Variants in TMCC1 observed in about 807,000 individuals in gnomAD.
TMCC1 encodes the protein transmembrane and coiled-coil domains protein 1.
A neutral mutation model predicts 52.4 loss-of-function variants in TMCC1; 15 were observed. That is an observed-to-expected ratio of 0.29 (90% confidence interval 0.19 to 0.44). The LOEUF is 0.44. Ranked by LOEUF, TMCC1 falls within the 20% of genes least tolerant of loss-of-function variation. The pLI is 1.00. For synonymous variants in TMCC1, 279 were observed against 301.9 expected (o/e 0.92, Z 0.79); for missense variants, 503 against 806.0 (o/e 0.62, Z 4.55).
At chr3:129,776,464 A>T (rs2055045690) in intron 4 of TMCC1, among the ~76,000 whole-genome samples, 1 of 152,194 alleles carries the variant, frequency 6.6e-6, no homozygotes, top group African/African-American at 2.4e-5. Context: ...TACCCATGGG[A>T]AGTATATAGA....
chr3:129,862,345 A>C (rs566090430), intron 2 of TMCC1, among the ~76,000 whole-genome samples: 1 of 152,200 alleles, frequency 6.6e-6, no homozygotes, highest in African/African-American at 2.4e-5. Context: ...AAGTACACTA[A>C]GAAAAATGAA....
Position 129,651,850 on chromosome 3 carries a change from G to T in TMCC1, c.1648-55C>A. 6.4e-7 allele frequency: 1 copy of T among 1,554,054 alleles called. No homozygotes were observed. The highest frequency in any genetic ancestry group is 8.7e-7 in the Non-Finnish European group (1 of 1,151,278). The stretch of plus-strand genomic sequence containing the variant: ...CTTCTGCTCACAAGTATTCTGAGAT[G>T]CTGACATGCCCCCTGGGCAAGCCAG... On this transcript the variant is annotated intron_variant, in intron 6 of 6. Transcript: ENST00000393238. The surrounding 1 kb of genome is among the most constrained non-coding windows in gnomAD (Gnocchi z 5.1).
intron 4 of TMCC1, among the ~76,000 whole-genome samples, chr3:129,792,030 G>A (rs1333551136): frequency 6.6e-6 from 1 of 152,004 alleles, no homozygotes; most frequent in African/African-American, 2.4e-5. Context: ...TTTAAAGATG[G>A]TCACATCAGT....
chr3:129,670,369 T>C lies in TMCC1; in HGVS notation c.1472A>G (p.Tyr491Cys). The C allele has an allele frequency of 1.2e-6, 2 of 1,614,208 alleles. No homozygotes were observed. The highest frequency in any genetic ancestry group is 1.1e-5 in the South Asian group (1 of 91,088). The change falls in exon 5 of 7, where the codon TAT (tyrosine) becomes TGT (cysteine). Residue 491 changes from tyrosine to cysteine, a missense_variant. Physicochemically the swap from Tyr to Cys is radical, Grantham distance 194. Transcript: ENST00000393238. ...ETLKEHYQRD[Y>C]SLIMQTLQEE... Reference sequence around the variant, plus strand: ...CTGTAAGGTCTGCATTATTAAGGAATAGTCCCTCTGATAATGTTCCTTGAG... The same window carrying C: ...CTGTAAGGTCTGCATTATTAAGGAACAGTCCCTCTGATAATGTTCCTTGAG...
chr3:129,776,946 C>A (rs1037126715), intron 4 of TMCC1, among the ~76,000 whole-genome samples: 19 of 152,086 alleles, frequency 1.2e-4, no homozygotes, highest in Admixed American at 1.0e-3. Flanking sequence ...GAGTATTCTT[C>A]ATTAAAAAGG....
intron 1 of TMCC1, among the ~76,000 whole-genome samples, chr3:129,886,971 G>C (rs2061737130): frequency 6.6e-6 from 1 of 151,876 alleles, no homozygotes; most frequent in South Asian, 2.1e-4. Context: ...AACCCCAAAA[G>C]GCCAGGTATT....
intron 3 of TMCC1, among the ~76,000 whole-genome samples, chr3:129,829,411 T>G (rs1266058256): frequency 1.9e-5 from 2 of 107,678 alleles, no homozygotes; most frequent in African/African-American, 7.6e-5. Flanking sequence ...AACTAAGAGA[T>G]GTAAAATCAA....
intron 4 of TMCC1, among the ~76,000 whole-genome samples, chr3:129,695,851 G>A (rs778484967): frequency 9.2e-5 from 14 of 152,254 alleles, no homozygotes; most frequent in Non-Finnish European, 2.1e-4. Flanking sequence ...TATCTAAGGA[G>A]TTTCAGGAGT....
intron 2 of TMCC1, among the ~76,000 whole-genome samples, chr3:129,872,108 A>G (rs1309298701): frequency 3.3e-5 from 5 of 152,258 alleles, no homozygotes; most frequent in Non-Finnish European, 7.3e-5. Context: ...GTATTCACGC[A>G]GCATTATTTG....
At chr3:129,735,392 C>T (rs1370342230) in intron 4 of TMCC1, among the ~76,000 whole-genome samples, 1 of 151,988 alleles carries the variant, frequency 6.6e-6, no homozygotes, top group Non-Finnish European at 1.5e-5. Flanking sequence ...CTCCTGTAAT[C>T]CCAGCACTTT....
intron 4 of TMCC1, among the ~76,000 whole-genome samples, chr3:129,707,001 A>G (rs553819970): frequency 1.3e-4 from 19 of 149,114 alleles, no homozygotes; most frequent in South Asian, 6.4e-4. Flanking sequence ...ACTGGAGGGG[A>G]AAAAAAAAAG....
chr3:129,821,656 AT>A (rs1327686742), intron 4 of TMCC1, among the ~76,000 whole-genome samples: 1 of 152,272 alleles, frequency 6.6e-6, no homozygotes, highest in East Asian at 1.9e-4. Flanking sequence ...ACTCTGCAAC[AT>A]TTTATGTGGT....
At chr3:129,700,593 C>T (rs1200377007) in intron 4 of TMCC1, among the ~76,000 whole-genome samples, 2 of 152,108 alleles carry the variant, frequency 1.3e-5, no homozygotes, top group African/African-American at 4.8e-5. Flanking sequence ...TCTCTTGCCT[C>T]ATCCTCCGGA....
chr3:129,679,354 G>T (rs766779201), intron 4 of TMCC1, among the ~76,000 whole-genome samples: 1 of 152,136 alleles, frequency 6.6e-6, no homozygotes, highest in Admixed American at 6.5e-5. Context: ...CATCCAGGCT[G>T]GAGTGCAGTG....
chr3:129,738,203 A>G (rs181061579), intron 4 of TMCC1, among the ~76,000 whole-genome samples: 65 of 148,178 alleles, frequency 4.4e-4, no homozygotes, highest in African/African-American at 1.6e-3. Flanking sequence ...CCTGGGAGGC[A>G]GAGGTTGCAG....
At chr3:129,761,726 C>T (rs1287235654) in intron 4 of TMCC1, among the ~76,000 whole-genome samples, 2 of 152,084 alleles carry the variant, frequency 1.3e-5, no homozygotes, top group Non-Finnish European at 2.9e-5. Flanking sequence ...TGCAGTGGCT[C>T]ACACCTGTAA....
Position 129,671,187 on chromosome 3 carries a change from T to G in TMCC1, c.654A>C (p.Thr218=). ...GGTCTGGTGTTCCATCCACAGAGTC[T>G]GTGTGGATGCTGCCATCGGTACTGG... ...VASSTDGSIH[T]DSVDGTPDPQ... is the part of the protein sequence containing the mutation. The change falls in exon 5 of 7, where the codon ACA becomes ACC. Residue 218 remains threonine (T), a synonymous_variant. Transcript: ENST00000393238. 6.2e-7 allele frequency: 1 copy of G among 1,614,172 alleles called. No individual in the cohort carries two copies. Among genetic ancestry groups the G allele is most frequent in the Non-Finnish European group, 8.5e-7 (1 of 1,180,028 alleles).
intron 4 of TMCC1, among the ~76,000 whole-genome samples, chr3:129,700,023 T>C (rs2047702008): frequency 6.6e-6 from 1 of 152,208 alleles, no homozygotes; most frequent in African/African-American, 2.4e-5. Flanking sequence ...TCATCATTGA[T>C]GGAAGTTTAC....
chr3:129,861,365 A>C (rs2060388915), intron 2 of TMCC1, among the ~76,000 whole-genome samples: 1 of 152,040 alleles, frequency 6.6e-6, no homozygotes, highest in African/African-American at 2.4e-5. Flanking sequence ...GCTCGAACCT[A>C]GGAGGCAGAG....
Sources: allele counts gnomAD v4.1 joint callset (sites outside exome capture counted in the v4.1 genomes callset), GRCh38; gene constraint gnomAD v4.1.1; non-coding constraint Gnocchi (gnomAD v3.1); transcripts MANE v1.5; gene names NCBI Gene and HGNC (gene_info 2026-07-23, HGNC 2026-07-21).